NNMT: variants seen among roughly 807,000 people sequenced by gnomAD.
NNMT encodes the protein nicotinamide N-methyltransferase.
Under a neutral mutation model 11.7 loss-of-function variants are expected in NNMT, and 10 were observed. That is an observed-to-expected ratio of 0.85 (90% CI 0.53 to 1.45). NNMT has a LOEUF of 1.45. NNMT is among the 40% of genes most tolerant of loss of function. The probability of loss-of-function intolerance (pLI) is 0.00; values close to 1 mark genes in which losing one functional copy is unlikely to be tolerated. For missense variants in NNMT, 381 were observed against 319.4 expected, an observed-to-expected ratio of 1.19 and a Z score of -1.47; for synonymous variants, 143 against 133.8, an observed-to-expected ratio of 1.07 and a Z score of -0.48.
rs1298890188 is a variant in NNMT, at chr11:114,312,682, C to A, written c.*205C>A. 5 of 546,006 alleles carry A rather than the reference C, an allele frequency of 9.2e-6. No individual in the cohort carries two copies. Among genetic ancestry groups the A allele is most frequent in the East Asian group, 2.8e-5 (1 of 35,386 alleles). The allele number at this position is 546,006 out of a possible 1,614,324, so 33.8% of individuals were successfully genotyped here. On this transcript the variant is annotated 3_prime_UTR_variant, in exon 3 of 3. Coordinates refer to ENST00000299964, the MANE Select transcript of NNMT (RefSeq NM_006169.3). ...ACACAAATGTTGGTGCTATGGGACCCAAAGATGAGCAATTAGTATTCCAGT... is the reference window on the plus strand; with the variant it reads ...ACACAAATGTTGGTGCTATGGGACCAAAAGATGAGCAATTAGTATTCCAGT...
chr11:114,294,952 G>C (rs992252975), upstream of NNMT, among the ~76,000 whole-genome samples: 1 of 152,196 alleles, frequency 6.6e-6, no homozygotes, highest in Admixed American at 6.5e-5. Context: ...CCTGGCATAA[G>C]GGCCACAACA....
At chr11:114,261,367 A>G (rs916892943) in intron 1 of NNMT, among the ~76,000 whole-genome samples, 2 of 152,108 alleles carry the variant, frequency 1.3e-5, no homozygotes, top group African/African-American at 2.4e-5. Flanking sequence ...GGATCACCTG[A>G]AGTCGGGAGT....
At chr11:114,303,347 C>T (rs1370865620) in intron 2 of NNMT, among the ~76,000 whole-genome samples, 1 of 152,166 alleles carries the variant, frequency 6.6e-6, no homozygotes, top group Non-Finnish European at 1.5e-5. Context: ...TGGCATCTCT[C>T]TTACCAGTAT....
At chr11:114,274,292 C>T (rs1219394768) in intron 2 of NNMT, among the ~76,000 whole-genome samples, 3 of 152,234 alleles carry the variant, frequency 2.0e-5, no homozygotes, top group African/African-American at 4.8e-5. Flanking sequence ...AACAGGTGGG[C>T]TGATAGGAAA....
intron 2 of NNMT, among the ~76,000 whole-genome samples, chr11:114,303,276 G>A (rs1178155738): frequency 2.0e-5 from 3 of 152,106 alleles, no homozygotes; most frequent in Non-Finnish European, 4.4e-5. Context: ...TAAAAAGTTA[G>A]TAATTGTTTT....
intron 2 of NNMT, among the ~76,000 whole-genome samples, chr11:114,275,696 G>A (rs1232249445): frequency 1.3e-5 from 2 of 152,156 alleles, no homozygotes; most frequent in African/African-American, 4.8e-5. Context: ...TTGCGAGTGT[G>A]TGTATGGGTT....
intron 1 of NNMT, 91 bp downstream of exon 1, chr11:114,296,801 C>T (rs1945384751): frequency 8.0e-7 from 1 of 1,247,126 alleles, no homozygotes; most frequent in African/African-American, 1.5e-5. Flanking sequence ...CTCGTTGTTG[C>T]TTCACAGCCC....
intron 2 of NNMT, among the ~76,000 whole-genome samples, chr11:114,286,579 C>T (rs1484616425): frequency 1.3e-5 from 2 of 152,170 alleles, no homozygotes; most frequent in African/African-American, 4.8e-5. Flanking sequence ...GGAAGTCTTT[C>T]TTGGGACTTT....
chr11:114,269,919 A>G (rs1415326245), intron 2 of NNMT, among the ~76,000 whole-genome samples: 2 of 152,098 alleles, frequency 1.3e-5, no homozygotes, highest in African/African-American at 4.8e-5. Flanking sequence ...AATATAATTA[A>G]TTAAGGTCAT....
intron 2 of NNMT, among the ~76,000 whole-genome samples, chr11:114,298,503 A>G (rs889832697): frequency 1.6e-4 from 24 of 152,176 alleles, no homozygotes; most frequent in Non-Finnish European, 3.2e-4. Flanking sequence ...TGCAAGTAAA[A>G]GGCTAACCCA....
intron 1 of NNMT, among the ~76,000 whole-genome samples, chr11:114,259,299 C>T (rs1414618328): frequency 6.6e-6 from 1 of 150,624 alleles, no homozygotes; most frequent in African/African-American, 2.4e-5. Context: ...ATCACATGCC[C>T]GCTCGGGCAC....
At chr11:114,286,705 T>C (rs1945303074) in intron 2 of NNMT, among the ~76,000 whole-genome samples, 1 of 152,190 alleles carries the variant, frequency 6.6e-6, no homozygotes. Context: ...ACTTTTAGGT[T>C]GTTTCTAGTT....
chr11:114,257,897 G>A (rs1374068652), intron 1 of NNMT: 2 of 152,998 alleles, frequency 1.3e-5, no homozygotes, highest in Non-Finnish European at 2.9e-5. Flanking sequence ...ATAGGGGCTG[G>A]GCTGAATGGG....
In NNMT at chr11:114,272,226, A is replaced by G. The variant is rs192369675; in HGVS notation, c.-130+9292A>G. 1.7e-3 allele frequency among the ~76,000 whole-genome samples: 254 copies of G among 152,302 alleles called. 2 individuals carry two copies. Among genetic ancestry groups the G allele is most frequent in the Admixed American group, 5.3e-3 (81 of 15,294 alleles). On this transcript the variant is annotated intron_variant, in intron 2 of 4. Coordinates refer to the NNMT transcript ENST00000535401. ...CATCTTTTGGGTGGATTGTGAGCCC[A>G]TAGCCCGCCTGGACTACTTCAAATC...
intron 2 of NNMT, among the ~76,000 whole-genome samples, chr11:114,271,620 C>G (rs1443222508): frequency 6.6e-6 from 1 of 152,174 alleles, no homozygotes; most frequent in Non-Finnish European, 1.5e-5. Context: ...CTCCTCGTTT[C>G]TCATCATGTC....
chr11:114,289,617 T>G (rs1452889955), intron 2 of NNMT, among the ~76,000 whole-genome samples: 1 of 152,200 alleles, frequency 6.6e-6, no homozygotes, highest in Non-Finnish European at 1.5e-5. Flanking sequence ...GACCCATAGG[T>G]TGTTTGTTTC....
intron 1 of NNMT, among the ~76,000 whole-genome samples, chr11:114,261,405 A>G (rs564565543): frequency 1.3e-5 from 2 of 152,286 alleles, no homozygotes; most frequent in African/African-American, 4.8e-5. Context: ...AACATGGAGA[A>G]ACCCCATCTC....
chr11:114,268,453 A>T (rs901658072), intron 2 of NNMT, among the ~76,000 whole-genome samples: 6 of 152,070 alleles, frequency 3.9e-5, no homozygotes, highest in Non-Finnish European at 7.4e-5. Flanking sequence ...CAGCCATGCA[A>T]CCAAGCTTAT....
At chr11:114,296,825 C>A in intron 1 of NNMT, 115 bp downstream of exon 1, 1 of 1,003,364 alleles carries the variant, frequency 1.0e-6, no homozygotes, top group Non-Finnish European at 1.5e-6. Context: ...TGGCATCACC[C>A]ATTTATTTAA....
Sources: gnomAD v4.1 joint callset for allele counts (sites outside exome capture counted in the v4.1 genomes callset) on GRCh38, gnomAD v4.1.1 for gene constraint, MANE v1.5 for transcripts, NCBI Gene and HGNC (gene_info 2026-07-23, HGNC 2026-07-21) for gene names.